Variants in AUTS2 observed in about 807,000 individuals in gnomAD.
AUTS2 encodes activator of transcription and developmental regulator AUTS2.
AUTS2 carries 17 observed loss-of-function variants against 112.4 expected under a neutral mutation model. That is an observed-to-expected ratio of 0.15 (90% confidence interval 0.10 to 0.23). The LOEUF (loss-of-function observed/expected upper bound fraction) is 0.23, where lower values mean the gene tolerates loss of function less well. Ranked by LOEUF, AUTS2 falls within the 10% of genes least tolerant of loss-of-function variation. The probability of loss-of-function intolerance (pLI) is 1.00; values close to 1 mark genes in which losing one functional copy is unlikely to be tolerated. For synonymous variants in AUTS2, 751 were observed against 702.7 expected, an observed-to-expected ratio of 1.07 and a Z score of -1.09; for missense variants, 1,510 against 1,701.6, an observed-to-expected ratio of 0.89 and a Z score of 1.98.
intron 2 of AUTS2, among the ~76,000 whole-genome samples, chr7:70,038,066 A>T (rs116693063): frequency 4.7e-5 from 7 of 150,220 alleles, no homozygotes; most frequent in Non-Finnish European, 1.0e-4. Flanking sequence ...GTAGAGAAGG[A>T]TATGTCCTGA....
At chr7:69,769,197 G>A (rs1403710208) in intron 1 of AUTS2, among the ~76,000 whole-genome samples, 1 of 152,218 alleles carries the variant, frequency 6.6e-6, no homozygotes, top group Non-Finnish European at 1.5e-5. Context: ...ATAAACCAAT[G>A]TTGAATAATC....
intron 1 of AUTS2, among the ~76,000 whole-genome samples, chr7:69,714,842 C>A (rs1798523729): frequency 6.6e-6 from 1 of 151,892 alleles, no homozygotes; most frequent in Admixed American, 6.6e-5. Context: ...AGTCATTCTC[C>A]ATTTATTTTG....
chr7:70,374,980 T>C (rs1793018780), intron 4 of AUTS2, among the ~76,000 whole-genome samples: 1 of 152,130 alleles, frequency 6.6e-6, no homozygotes, highest in African/African-American at 2.4e-5. Flanking sequence ...GGACAGCTGC[T>C]CCAACTCAGG....
intron 1 of AUTS2, among the ~76,000 whole-genome samples, chr7:69,660,060 T>C (rs1194160580): frequency 6.6e-6 from 1 of 152,248 alleles, no homozygotes; most frequent in Non-Finnish European, 1.5e-5. Context: ...GTTGGTAGTA[T>C]GTGCCCCATC....
At chr7:70,305,802 A>G (rs1789466952) in intron 4 of AUTS2, among the ~76,000 whole-genome samples, 2 of 152,226 alleles carry the variant, frequency 1.3e-5, no homozygotes, top group African/African-American at 4.8e-5. Flanking sequence ...TGGAAATTAT[A>G]TGGACATAAA....
intron 1 of AUTS2, among the ~76,000 whole-genome samples, chr7:69,881,705 T>C (rs1158172837): frequency 6.6e-6 from 1 of 152,178 alleles, no homozygotes; most frequent in Non-Finnish European, 1.5e-5. Context: ...TGATAGGAAA[T>C]GCCTCCCCCC....
chr7:70,355,616 C>T (rs1166055974), intron 4 of AUTS2, among the ~76,000 whole-genome samples: 1 of 152,142 alleles, frequency 6.6e-6, no homozygotes, highest in Non-Finnish European at 1.5e-5. Context: ...CTGTTAAGCA[C>T]TTCTGACACG....
chr7:70,293,931 G>T (rs1373161172), intron 4 of AUTS2: 2 of 152,184 alleles, frequency 1.3e-5, no homozygotes, highest in Admixed American at 1.3e-4. Context: ...GTATCTGAGG[G>T]CTGGAAGGCA....
intron 1 of AUTS2, among the ~76,000 whole-genome samples, chr7:69,638,828 G>A (rs189951715): frequency 4.6e-5 from 7 of 152,312 alleles, no homozygotes; most frequent in Admixed American, 3.9e-4. Flanking sequence ...CAAAGCAAAG[G>A]CTTCACCAGA....
intron 4 of AUTS2, among the ~76,000 whole-genome samples, chr7:70,345,536 T>C (rs904964460): frequency 6.6e-6 from 1 of 152,188 alleles, no homozygotes; most frequent in African/African-American, 2.4e-5. Context: ...TCCCTTCTTA[T>C]AGGGGCAGTT....
At chr7:69,994,074 T>C (rs1287417048) in intron 2 of AUTS2, among the ~76,000 whole-genome samples, 1 of 151,726 alleles carries the variant, frequency 6.6e-6, no homozygotes, top group African/African-American at 2.4e-5. Context: ...TTAAGAGATA[T>C]GTATTAATAA....
intron 5 of AUTS2, among the ~76,000 whole-genome samples, chr7:70,554,079 T>C (rs188034012): frequency 0.022 from 3,222 of 147,804 alleles, 57 homozygotes; most frequent in Non-Finnish European, 0.036. Flanking sequence ...CTTTTTTTTT[T>C]TTTTTTGAGA....
chr7:69,763,360 T>C (rs568051892), intron 1 of AUTS2, among the ~76,000 whole-genome samples: 2 of 152,324 alleles, frequency 1.3e-5, no homozygotes, highest in South Asian at 4.2e-4. Context: ...AAGCCTGGGC[T>C]GGTGTGTGTA....
intron 5 of AUTS2, among the ~76,000 whole-genome samples, chr7:70,683,521 C>G (rs558793810): frequency 6.6e-6 from 1 of 152,238 alleles, no homozygotes; most frequent in South Asian, 2.1e-4. Context: ...TACGTGTGCC[C>G]CTAAAGGAAT....
chr7:70,339,707 T>C (rs1791167761), intron 4 of AUTS2, among the ~76,000 whole-genome samples: 1 of 152,178 alleles, frequency 6.6e-6, no homozygotes. Context: ...GAGAGCAACA[T>C]GTTTGACTGA....
At position 70,377,937 on chromosome 7, in the gene AUTS2, A is replaced by AT. The variant is rs1179092644; in HGVS notation, c.661-57801dup. 8.5e-3 allele frequency among the ~76,000 whole-genome samples: 1,221 copies of AT among 143,298 alleles called. 7 individuals carry two copies. The highest frequency in any genetic ancestry group is 0.012 in the Non-Finnish European group (777 of 64,852). 94.0% of individuals were successfully genotyped at this position (143,298 alleles called of 152,430 possible). ...AAGCGCCCGCCACCACGGCTGGCTA[A>AT]TTTTTTTTTTTTTTGTATTTTTAGT... is the stretch of plus-strand genomic sequence containing the variant. On this transcript the variant is annotated intron_variant, in intron 4 of 18. Coordinates refer to ENST00000342771, the MANE Select transcript of AUTS2 (RefSeq NM_015570.4).
intron 5 of AUTS2, among the ~76,000 whole-genome samples, chr7:70,614,431 C>T (rs1804248791): frequency 6.6e-6 from 1 of 152,176 alleles, no homozygotes; most frequent in Non-Finnish European, 1.5e-5. Flanking sequence ...AGTTTCTCTT[C>T]TGTAATTTAT....
chr7:70,377,691 G>GACT (rs2129631794), intron 4 of AUTS2, among the ~76,000 whole-genome samples: 1 of 150,946 alleles, frequency 6.6e-6, no homozygotes, highest in East Asian at 2.0e-4. Flanking sequence ...CTATGAATTT[G>GACT]ACTACTCTAG....
chr7:69,832,416 C>T (rs935182462), intron 1 of AUTS2, among the ~76,000 whole-genome samples: 7 of 152,210 alleles, frequency 4.6e-5, no homozygotes, highest in Middle Eastern at 3.4e-3. Flanking sequence ...TGACCCATCA[C>T]GTGGAAGATC....
Sources: gnomAD v4.1 joint callset for allele counts (sites outside exome capture counted in the v4.1 genomes callset) on GRCh38, gnomAD v4.1.1 for gene constraint, MANE v1.5 for transcripts, NCBI Gene and HGNC (gene_info 2026-07-23, HGNC 2026-07-21) for gene names.